Variants in NBAS observed in about 807,000 individuals in gnomAD.
NBAS encodes the protein NAG/BC035112 fusion.
Under a neutral mutation model 302.5 loss-of-function variants are expected in NBAS, and 219 were observed. That is an observed-to-expected ratio of 0.72 (90% CI 0.65 to 0.81). The LOEUF is 0.81. Among genes scored for constraint, NBAS ranks in the 30% least tolerant of loss-of-function variants. NBAS has a pLI of 0.00. For missense variants in NBAS, 2,932 were observed against 2,841.6 expected (o/e 1.03, Z -0.72); for synonymous variants, 1,118 against 1,021.6 (o/e 1.09, Z -1.80).
At chr2:14,983,991 G>A in the NBAS span, among the ~76,000 whole-genome samples, 1 of 152,060 alleles carries the variant, frequency 6.6e-6, no homozygotes, top group Non-Finnish European at 1.5e-5. Flanking sequence ...TTCCGAGGGG[G>A]CGTGCCAACC....
chr2:15,541,838 C>T (rs1663850224), intron 6 of NBAS, among the ~76,000 whole-genome samples: 2 of 72,840 alleles, frequency 2.7e-5, no homozygotes, highest in African/African-American at 5.1e-5. Context: ...CCAGCCGCCC[C>T]GTCCGGGAGG....
chr2:15,190,209 G>A, intron 49 of NBAS, 55 bp downstream of exon 49: 1 of 1,593,126 alleles, frequency 6.3e-7, no homozygotes, highest in Middle Eastern at 1.7e-4. Flanking sequence ...ACATTTTTAG[G>A]GCTAAAGTCC....
chr2:14,930,968 G>T, the NBAS span, among the ~76,000 whole-genome samples: 16,596 of 152,236 alleles, frequency 0.11, 986 homozygotes, highest in African/African-American at 0.15. Context: ...GTGGGAGGAA[G>T]GTCAAATGAG....
chr2:15,377,795 GA>G (rs1265676556), intron 30 of NBAS, among the ~76,000 whole-genome samples: 1 of 152,078 alleles, frequency 6.6e-6, no homozygotes, highest in Non-Finnish European at 1.5e-5. Flanking sequence ...ATAAACAACT[GA>G]AAAAACTGTG....
the NBAS span, among the ~76,000 whole-genome samples, chr2:15,056,413 C>A: frequency 6.6e-6 from 1 of 152,174 alleles, no homozygotes; most frequent in Non-Finnish European, 1.5e-5. Context: ...AAGTTTTTTA[C>A]TGCATTTGTA....
the NBAS span, among the ~76,000 whole-genome samples, chr2:14,972,327 G>A: frequency 6.6e-6 from 1 of 152,050 alleles, no homozygotes; most frequent in African/African-American, 2.4e-5. Context: ...AGGGGACTTA[G>A]AGGACGAGTC....
intron 45 of NBAS, 62 bp from the exon 46 acceptor site, chr2:15,234,809 C>T (rs1667523397): frequency 6.6e-7 from 1 of 1,511,794 alleles, no homozygotes; most frequent in Non-Finnish European, 9.2e-7. Context: ...TCTACATGCA[C>T]AAAGTGAAAC....
At chr2:14,866,505 T>C in the NBAS span, among the ~76,000 whole-genome samples, 1 of 152,098 alleles carries the variant, frequency 6.6e-6, no homozygotes. Flanking sequence ...TTATCTAGAA[T>C]GTCTCTTACT....
intron 44 of NBAS, among the ~76,000 whole-genome samples, chr2:15,265,434 A>C (rs941057034): frequency 1.3e-5 from 2 of 152,154 alleles, no homozygotes; most frequent in African/African-American, 2.4e-5. Flanking sequence ...GTATAGGAAA[A>C]TTATAATCCT....
In NBAS at chr2:15,404,122, A is replaced by G. The variant is rs565750696; in HGVS notation, c.2938-1821T>C. On this transcript the variant is annotated intron_variant, in intron 25 of 51. Transcript: ENST00000281513. ...TCATAAATCGTCATAACAATCCTATAAAATTACTACTAGTACTATTCTCAT... is the reference window on the plus strand; with the variant it reads ...TCATAAATCGTCATAACAATCCTATGAAATTACTACTAGTACTATTCTCAT... Among the ~76,000 whole-genome samples the G allele has an allele frequency of 1.3e-4, 20 of 152,272 alleles. No individual in the cohort carries two copies. The South Asian group carries it at 4.2e-3, about 32-fold the overall frequency.
the NBAS span, among the ~76,000 whole-genome samples, chr2:14,861,586 C>T: frequency 6.6e-6 from 1 of 152,202 alleles, no homozygotes; most frequent in Non-Finnish European, 1.5e-5. Context: ...GCAGACATAG[C>T]TCTTCAACAA....
chr2:15,179,196 C>T (rs982118530), intron 50 of NBAS, 80 bp from the exon 51 acceptor site: 2 of 1,606,150 alleles, frequency 1.2e-6, no homozygotes, highest in African/African-American at 1.3e-5. Flanking sequence ...TCATTCCACC[C>T]CTTTTTCTGT....
intron 35 of NBAS, among the ~76,000 whole-genome samples, chr2:15,345,946 T>C (rs1273850626): frequency 6.6e-6 from 1 of 152,186 alleles, no homozygotes; most frequent in East Asian, 1.9e-4. Context: ...GAGAACTGGC[T>C]AGCCATATGA....
chr2:14,782,640 TAA>T, the NBAS span, among the ~76,000 whole-genome samples: 2 of 152,080 alleles, frequency 1.3e-5, no homozygotes, highest in African/African-American at 2.4e-5. Context: ...CATTCTATCA[TAA>T]AGACAGATGC....
At chr2:15,467,539 T>A (rs1166419050) in intron 18 of NBAS, 125 bp downstream of exon 18, 6 of 1,268,660 alleles carry the variant, frequency 4.7e-6, no homozygotes, top group Non-Finnish European at 6.8e-6. Context: ...AAGGGTAAGA[T>A]AATAGTAAGT....
At chr2:15,089,292 T>C in the NBAS span, among the ~76,000 whole-genome samples, 1 of 152,038 alleles carries the variant, frequency 6.6e-6, no homozygotes, top group Non-Finnish European at 1.5e-5. Context: ...CCTTCAGGAA[T>C]TTTAGAATTC....
the NBAS span, among the ~76,000 whole-genome samples, chr2:14,938,396 G>T: frequency 6.6e-6 from 1 of 152,138 alleles, no homozygotes; most frequent in Non-Finnish European, 1.5e-5. Flanking sequence ...ATGTCCAGGA[G>T]AAAACTGTGG....
At chr2:15,488,215 A>G (rs1198291727) in intron 12 of NBAS, among the ~76,000 whole-genome samples, 1 of 152,230 alleles carries the variant, frequency 6.6e-6, no homozygotes, top group African/African-American at 2.4e-5. Context: ...AATGTAAGTG[A>G]ATCAGAGTAA....
At chr2:15,340,370 T>C (rs1463446773) in intron 35 of NBAS, among the ~76,000 whole-genome samples, 1 of 152,118 alleles carries the variant, frequency 6.6e-6, no homozygotes, top group Non-Finnish European at 1.5e-5. Context: ...AGATTTATGG[T>C]ACGAACACCT....
Sources: gnomAD v4.1 joint callset for allele counts (sites outside exome capture counted in the v4.1 genomes callset) on GRCh38, gnomAD v4.1.1 for gene constraint, MANE v1.5 for transcripts, NCBI Gene and HGNC (gene_info 2026-07-23, HGNC 2026-07-21) for gene names.